CAPRIN1: variants seen among roughly 807,000 people sequenced by gnomAD.
CAPRIN1 encodes the protein caprin-1.
Under a neutral mutation model 100.9 loss-of-function variants are expected in CAPRIN1, and 29 were observed. The observed-to-expected ratio is 0.29, with a 90% CI of 0.21 to 0.39. The LOEUF is 0.39. Ranked by LOEUF, CAPRIN1 falls within the 10% of genes least tolerant of loss-of-function variation. CAPRIN1 has a pLI of 1.00. For missense variants in CAPRIN1, 795 were observed against 876.7 expected (o/e 0.91, Z 1.18); for synonymous variants, 338 against 307.5 (o/e 1.10, Z -1.04).
At chr11:34,072,830 G>C (rs1010585462) in intron 4 of CAPRIN1, among the ~76,000 whole-genome samples, 1 of 152,212 alleles carries the variant, frequency 6.6e-6, no homozygotes, top group African/African-American at 2.4e-5. Flanking sequence ...CCACATATAT[G>C]ATGATGGTCC....
At chr11:34,083,372 T>A (rs762533891) in intron 9 of CAPRIN1, among the ~76,000 whole-genome samples, 1 of 152,216 alleles carries the variant, frequency 6.6e-6, no homozygotes, top group Non-Finnish European at 1.5e-5. Context: ...TGGGGTATCA[T>A]CTTGCACTCC....
At position 34,101,584 on chromosome 11, in the gene CAPRIN1, G is replaced by T. The variant is rs1851455173; in HGVS notation, c.*2217G>T. ...CTGTTTCTATGTATGTTTTTTCAAA[G>T]AATTGTTCCTTTTTTTGAACTATAA... On this transcript the variant is annotated 3_prime_UTR_variant, in exon 19 of 19. Coordinates refer to ENST00000341394, the MANE Select transcript of CAPRIN1 (RefSeq NM_005898.5). Among the ~76,000 whole-genome samples the T allele has an allele frequency of 6.6e-6, 1 of 152,164 alleles. No homozygotes were observed. Among genetic ancestry groups the T allele is most frequent in the African/African-American group, 2.4e-5 (1 of 41,444 alleles).
Position 34,096,659 on chromosome 11 carries a change from C to G in CAPRIN1, c.1886C>G (p.Ala629Gly). The G allele has an allele frequency of 6.3e-7, 1 of 1,598,500 alleles. No individual in the cohort carries two copies. Among genetic ancestry groups the G allele is most frequent in the Non-Finnish European group, 8.6e-7 (1 of 1,167,910 alleles). Residue 629 changes from alanine (A) to glycine (G), a missense_variant, in exon 16 of 19, where the codon GCC becomes GGC. Ala to Gly is a moderately conservative substitution (Grantham distance 60). Coordinates refer to ENST00000341394, the MANE Select transcript of CAPRIN1 (RefSeq NM_005898.5). Reference protein sequence around the residue: ...RGLMNGYRGPANGFRGGYDGY... With the variant: ...RGLMNGYRGPGNGFRGGYDGY... Reference sequence around the variant, plus strand: ...TTGATGAATGGATACCGGGGCCCTGCCAATGGATTCAGAGGTAAAAAAATA... The same window carrying G: ...TTGATGAATGGATACCGGGGCCCTGGCAATGGATTCAGAGGTAAAAAAATA...
chr11:34,083,132 A>G, intron 9 of CAPRIN1, 91 bp downstream of exon 9: 2 of 848,686 alleles, frequency 2.4e-6, no homozygotes, highest in Non-Finnish European at 3.9e-6. Context: ...TGTTTTTTGC[A>G]TTATTAGTAC....
At position 34,066,321 on chromosome 11, in the gene CAPRIN1, A is replaced by T. The variant is rs1278378489; in HGVS notation, c.217-5405A>T. Among the ~76,000 whole-genome samples the T allele has an allele frequency of 3.3e-5, 5 of 150,826 alleles. No individual in the cohort carries two copies. In the East Asian group the frequency reaches 9.8e-4, roughly 29 times the overall value. On this transcript the variant is annotated intron_variant, in intron 2 of 18. Transcript: ENST00000341394. ...TGTAGTTTCTGTACCTTTTTAATTT[A>T]TTTTTATTTATTTATTTATTTATTT...
At chr11:34,058,751 A>AAT (rs1467957907) in intron 2 of CAPRIN1, among the ~76,000 whole-genome samples, 1 of 152,148 alleles carries the variant, frequency 6.6e-6, no homozygotes, top group African/African-American at 2.4e-5. Flanking sequence ...AACTTTTATA[A>AAT]AGTTAAAACT....
At chr11:34,089,495 G>C (rs776046315) in intron 12 of CAPRIN1, 39 bp downstream of exon 12, 11 of 1,237,628 alleles carry the variant, frequency 8.9e-6, no homozygotes, top group Middle Eastern at 1.9e-4. Context: ...GGCCAGGTTA[G>C]GTGGCTCGTA....
intron 2 of CAPRIN1, chr11:34,055,824 G>A (rs1265859751): frequency 6.6e-6 from 1 of 152,164 alleles, no homozygotes; most frequent in Non-Finnish European, 1.5e-5. Context: ...TTGAGACTTT[G>A]ATAAGCCACA....
Position 34,064,271 on chromosome 11 carries a change from T to C in CAPRIN1, c.217-7455T>C, listed in dbSNP as rs16925111. ...CTATCTTACCATTCTGTTCTTAGTA[T>C]AATGTTGGATCTGTCAATGTGACAA... On this transcript the variant is annotated intron_variant, in intron 2 of 18. Transcript: ENST00000341394. Among the ~76,000 whole-genome samples the C allele has an allele frequency of 9.4e-3, 1,438 of 152,292 alleles. 18 individuals are homozygous for C. Among genetic ancestry groups the C allele is most frequent in the African/African-American group, 0.032 (1,334 of 41,552 alleles).
At chr11:34,054,690 G>A (rs1205526328) in intron 2 of CAPRIN1, among the ~76,000 whole-genome samples, 1 of 152,178 alleles carries the variant, frequency 6.6e-6, no homozygotes, top group Non-Finnish European at 1.5e-5. Context: ...GTCTTCCAAA[G>A]TGCTGTTACA....
chr11:34,051,923 C>G (rs1200068736), intron 1 of CAPRIN1, 52 bp downstream of exon 1: 1 of 152,174 alleles, frequency 6.6e-6, no homozygotes, highest in South Asian at 2.1e-4. Context: ...CCGCTGCGCC[C>G]GGGTGTCCTT....
Position 34,079,723 on chromosome 11 carries a change from G to A in CAPRIN1, c.784G>A (p.Ala262Thr). The A allele has an allele frequency of 1.9e-6, 3 of 1,614,140 alleles. No homozygotes were observed. The highest frequency in any genetic ancestry group is 3.3e-5 in the Admixed American group (2 of 60,028). Residue 262 changes from alanine (A) to threonine (T), a missense_variant, in exon 7 of 19, where the codon GCA becomes ACA. Ala to Thr is a moderately conservative substitution (Grantham distance 58). This residue lies in a region of CAPRIN1 where 648 missense variants were observed against 697.9 expected (regional missense o/e 0.93). Coordinates refer to ENST00000341394, the MANE Select transcript of CAPRIN1 (RefSeq NM_005898.5). ...HQNGLCEEEEAASAPAVEDQV... is the reference protein window; with the variant it reads ...HQNGLCEEEETASAPAVEDQV... ...GAATGGGCTGTGTGAGGAAGAAGAG[G>A]CAGCCTCAGCACCTGCAGTTGAAGA...
Position 34,082,897 on chromosome 11 carries a change from C to G in CAPRIN1, c.879+20C>G, listed in dbSNP as rs770655385. On this transcript the variant is annotated intron_variant, in intron 8 of 18. Coordinates refer to ENST00000341394, the MANE Select transcript of CAPRIN1 (RefSeq NM_005898.5). ...ACAGAGGTATGATTTTAATTTAATG[C>G]TGCCTTTACTTTGCTGCCTTTCAAA... The G allele has an allele frequency of 1.2e-6, 2 of 1,612,928 alleles. No homozygotes were observed. Among genetic ancestry groups the G allele is most frequent in the Non-Finnish European group, 1.7e-6 (2 of 1,178,932 alleles).
intron 2 of CAPRIN1, among the ~76,000 whole-genome samples, chr11:34,070,322 T>C (rs1164016728): frequency 6.6e-6 from 1 of 152,248 alleles, no homozygotes; most frequent in Non-Finnish European, 1.5e-5. Context: ...AGGTGGTAGC[T>C]ATCTTGTTCA....
intron 2 of CAPRIN1, chr11:34,056,421 A>G (rs572086322): frequency 6.6e-6 from 1 of 152,354 alleles, no homozygotes; most frequent in Non-Finnish European, 1.5e-5. Context: ...CATGCTCTTA[A>G]TGTTGATGAA....
At chr11:34,095,916 A>C (rs929610785) in intron 15 of CAPRIN1, 2 of 152,224 alleles carry the variant, frequency 1.3e-5, no homozygotes, top group Non-Finnish European at 1.5e-5. Context: ...TTGAAATGGA[A>C]TTTGGCATTA....
rs1850909655 is a variant in CAPRIN1 at position 34,076,494 on chromosome 11, A to G, written c.605+20A>G. The G allele has an allele frequency of 2.5e-6, 4 of 1,608,970 alleles. No individual in the cohort carries two copies. The highest frequency in any genetic ancestry group is 1.3e-5 in the African/African-American group (1 of 74,782). The stretch of plus-strand genomic sequence containing the variant: ...CTTGAGGTATTAGTGGTATTTGATA[A>G]TAGAAACTTCTGAGTATTTAAGTTG... On this transcript the variant is annotated intron_variant, in intron 5 of 18. Transcript: ENST00000341394.
intron 2 of CAPRIN1, among the ~76,000 whole-genome samples, chr11:34,056,098 T>G (rs1341765507): frequency 6.6e-6 from 1 of 152,230 alleles, no homozygotes; most frequent in Admixed American, 6.5e-5. Flanking sequence ...GAATTCCTCT[T>G]TAGAAACCCT....
chr11:34,081,699 T>C (rs1413624271), intron 7 of CAPRIN1, among the ~76,000 whole-genome samples: 2 of 152,148 alleles, frequency 1.3e-5, no homozygotes, highest in Admixed American at 6.5e-5. Flanking sequence ...GGTTTCACCA[T>C]ATCGGCTAGG....
Sources: allele counts gnomAD v4.1 joint callset (sites outside exome capture counted in the v4.1 genomes callset), GRCh38; gene constraint gnomAD v4.1.1; regional missense constraint gnomAD v4.1.1; transcripts MANE v1.5; gene names NCBI Gene and HGNC (gene_info 2026-07-23, HGNC 2026-07-21).